Variants in LSAMP observed in about 807,000 individuals in gnomAD.
LSAMP encodes the protein limbic system-associated membrane protein.
Under a neutral mutation model 38.6 loss-of-function variants are expected in LSAMP, and 7 were observed. The ratio of observed to expected loss-of-function variants is 0.18; its 90% CI spans 0.10 to 0.34. The LOEUF (loss-of-function observed/expected upper bound fraction) is 0.34. LSAMP is among the 10% of genes least tolerant of loss of function. The pLI, the probability that LSAMP is intolerant of heterozygous loss-of-function variation, is 1.00. For missense variants in LSAMP, 313 were observed against 420.0 expected, an observed-to-expected ratio of 0.75 and a Z score of 2.23; for synonymous variants, 154 against 166.8, an observed-to-expected ratio of 0.92 and a Z score of 0.59.
At chr3:116,107,032 C>A (rs1460239333) in intron 1 of LSAMP, among the ~76,000 whole-genome samples, 2 of 152,084 alleles carry the variant, frequency 1.3e-5, no homozygotes, top group African/African-American at 4.8e-5. Context: ...CCTGCCTTTG[C>A]TGGTGTGTGG....
intron 3 of LSAMP, among the ~76,000 whole-genome samples, chr3:116,004,569 CAT>C (rs1179714779): frequency 6.8e-6 from 1 of 147,286 alleles, no homozygotes; most frequent in African/African-American, 2.5e-5. Context: ...TATATATATA[CAT>C]ATATATACAT....
intron 3 of LSAMP, among the ~76,000 whole-genome samples, chr3:115,875,709 T>C (rs1936163015): frequency 6.6e-6 from 1 of 151,942 alleles, no homozygotes; most frequent in Admixed American, 6.6e-5. Context: ...CTCATTAGCA[T>C]TATTTCCAGG....
At position 116,438,964 on chromosome 3, in the gene LSAMP, T is replaced by A. The variant is rs2049392888; in HGVS notation, c.155+5913A>T. ...AAACGATACAATGTGACTCCAATTT[T>A]TTTACTGATATCTATTTAGTGCTGC... is the stretch of plus-strand genomic sequence containing the variant. On this transcript the variant is annotated intron_variant, in intron 1 of 6. Coordinates refer to ENST00000490035, the MANE Select transcript of LSAMP (RefSeq NM_002338.5). Among the ~76,000 whole-genome samples the A allele has an allele frequency of 2.0e-5, 3 of 152,230 alleles. No homozygotes were observed. In the South Asian group the frequency reaches 6.2e-4, roughly 32 times the overall value.
At chr3:115,967,924 A>T (rs1220259817) in intron 3 of LSAMP, among the ~76,000 whole-genome samples, 1 of 152,084 alleles carries the variant, frequency 6.6e-6, no homozygotes, top group East Asian at 1.9e-4. Flanking sequence ...GAGCCAAACC[A>T]CATCACCTCC....
At chr3:116,180,356 T>C (rs1354967328) in intron 1 of LSAMP, among the ~76,000 whole-genome samples, 1 of 133,006 alleles carries the variant, frequency 7.5e-6, no homozygotes, top group East Asian at 2.3e-4. Context: ...TTAGGAAGAT[T>C]TGGATTTTTT....
At chr3:116,081,452 CAA>C (rs1339062976) in intron 2 of LSAMP, among the ~76,000 whole-genome samples, 5 of 127,526 alleles carry the variant, frequency 3.9e-5, no homozygotes, top group Admixed American at 1.6e-4. Flanking sequence ...GACTCTGTCT[CAA>C]AAAAAAAAAA....
chr3:115,816,141 G>A (rs933877175), intron 6 of LSAMP, among the ~76,000 whole-genome samples: 16 of 152,186 alleles, frequency 1.1e-4, no homozygotes, highest in Admixed American at 3.3e-4. Context: ...GTTAGACACT[G>A]TTAGGGACTA....
chr3:115,981,865 A>G (rs1477992381), intron 3 of LSAMP, among the ~76,000 whole-genome samples: 5 of 152,182 alleles, frequency 3.3e-5, no homozygotes, highest in African/African-American at 1.2e-4. Context: ...CCTTCCTTTG[A>G]ATGTTCTCAC....
At chr3:116,318,157 T>G (rs1349661982) in intron 1 of LSAMP, among the ~76,000 whole-genome samples, 3 of 142,578 alleles carry the variant, frequency 2.1e-5, no homozygotes, top group Non-Finnish European at 3.1e-5. Context: ...AAAAAAAAAT[T>G]TTAGTAATAC....
In LSAMP at chr3:116,212,166, T is replaced by C. The variant is rs527820179; in HGVS notation, c.156-125610A>G. Among the ~76,000 whole-genome samples the C allele has an allele frequency of 3.9e-5, 6 of 152,250 alleles. No individual in the cohort carries two copies. The East Asian group carries it at 5.8e-4, about 15-fold the overall frequency. ...ACTACTTCTGGAAAATAATGAACCA[T>C]GTGTGGTGTGATATCAAATAAATGG... On this transcript the variant is annotated intron_variant, in intron 1 of 6. Transcript: ENST00000490035.
intron 1 of LSAMP, among the ~76,000 whole-genome samples, chr3:116,312,928 C>T (rs2047577107): frequency 1.3e-5 from 2 of 151,162 alleles, no homozygotes; most frequent in African/African-American, 2.4e-5. Context: ...CATGACATTG[C>T]TCTCCAACAA....
intron 1 of LSAMP, among the ~76,000 whole-genome samples, chr3:116,091,462 G>A (rs1708121440): frequency 6.6e-6 from 1 of 152,166 alleles, no homozygotes. Context: ...GTATTGATTG[G>A]GGAAGTGAGA....
intron 1 of LSAMP, among the ~76,000 whole-genome samples, chr3:116,218,341 G>C (rs1559787374): frequency 6.6e-6 from 1 of 152,074 alleles, no homozygotes; most frequent in Non-Finnish European, 1.5e-5. Flanking sequence ...ATTGTGACAG[G>C]CTTTATCTGA....
chr3:116,164,811 A>G (rs2107544722), intron 1 of LSAMP, among the ~76,000 whole-genome samples: 1 of 144,726 alleles, frequency 6.9e-6, no homozygotes, highest in Non-Finnish European at 1.5e-5. Context: ...GATGACCAGG[A>G]AACAATGTCA....
chr3:116,186,449 G>A (rs1302528971), intron 1 of LSAMP, among the ~76,000 whole-genome samples: 3 of 152,108 alleles, frequency 2.0e-5, no homozygotes, highest in Non-Finnish European at 4.4e-5. Flanking sequence ...GTGAATTCCT[G>A]TGTAGAATTG....
At chr3:115,812,101 G>A (rs1933853955) in intron 6 of LSAMP, among the ~76,000 whole-genome samples, 1 of 152,204 alleles carries the variant, frequency 6.6e-6, no homozygotes, top group South Asian at 2.1e-4. Context: ...TACTATCATT[G>A]CAAAGAAGAT....
At chr3:115,881,070 A>AAAT (rs1936311014) in intron 3 of LSAMP, among the ~76,000 whole-genome samples, 2 of 151,766 alleles carry the variant, frequency 1.3e-5, no homozygotes, top group Admixed American at 6.6e-5. Flanking sequence ...ATAAATAAAT[A>AAAT]AAATACTGTA....
rs548626270 is a variant in LSAMP at position 116,322,311 on chromosome 3, T to C, written c.155+122566A>G. 1.3e-4 allele frequency among the ~76,000 whole-genome samples: 20 copies of C among 152,302 alleles called. No individual in the cohort carries two copies. The South Asian group carries it at 3.9e-3, about 30-fold the overall frequency. On this transcript the variant is annotated intron_variant, in intron 1 of 6. Coordinates refer to ENST00000490035, the MANE Select transcript of LSAMP (RefSeq NM_002338.5). Reference sequence around the variant, plus strand: ...GAATATAAAAGTACATTTTGTTATATTATTGAAGTGGCTATAACCATTCCA... The same window carrying C: ...GAATATAAAAGTACATTTTGTTATACTATTGAAGTGGCTATAACCATTCCA...
intron 1 of LSAMP, among the ~76,000 whole-genome samples, chr3:116,199,936 C>A (rs187303733): frequency 6.2e-4 from 94 of 151,930 alleles, no homozygotes; most frequent in South Asian, 4.2e-3. Flanking sequence ...TTTAGGAAGA[C>A]AGAAACTTAA....
Sources: allele counts gnomAD v4.1 joint callset (sites outside exome capture counted in the v4.1 genomes callset), GRCh38; gene constraint gnomAD v4.1.1; transcripts MANE v1.5; gene names NCBI Gene and HGNC (gene_info 2026-07-23, HGNC 2026-07-21).